IRF2: variants seen among roughly 807,000 people sequenced by gnomAD.
The protein encoded by IRF2 is interferon regulatory factor 2.
Under a neutral mutation model 40.6 loss-of-function variants are expected in IRF2, and 15 were observed. That is an observed-to-expected ratio of 0.37 (90% CI 0.25 to 0.57). IRF2 has a LOEUF of 0.57. Among genes scored for constraint, IRF2 ranks in the 20% least tolerant of loss-of-function variants. The probability of loss-of-function intolerance (pLI) is 0.77; values close to 1 mark genes in which losing one functional copy is unlikely to be tolerated. For synonymous variants in IRF2, 151 were observed against 165.5 expected (o/e 0.91, Z 0.67); for missense variants, 317 against 455.7 (o/e 0.70, Z 2.77).
intron 1 of IRF2, among the ~76,000 whole-genome samples, chr4:184,470,562 A>G (rs1739476910): frequency 6.6e-6 from 1 of 152,178 alleles, no homozygotes; most frequent in East Asian, 1.9e-4. Context: ...ACGCCTGCGC[A>G]CACCTGTAGT....
At chr4:184,393,433 A>C (rs1171816332) in intron 7 of IRF2, among the ~76,000 whole-genome samples, 1 of 152,168 alleles carries the variant, frequency 6.6e-6, no homozygotes, top group Non-Finnish European at 1.5e-5. Context: ...AATACAAACA[A>C]AGATACGCAA....
intron 1 of IRF2, among the ~76,000 whole-genome samples, chr4:184,463,939 T>C (rs1291535143): frequency 6.6e-6 from 1 of 152,166 alleles, no homozygotes; most frequent in African/African-American, 2.4e-5. Context: ...CAGACTCCTA[T>C]AAAATGCCTT....
chr4:184,393,487 G>A (rs568795298), intron 7 of IRF2, among the ~76,000 whole-genome samples: 12 of 152,152 alleles, frequency 7.9e-5, no homozygotes, highest in Admixed American at 1.3e-4. Flanking sequence ...AGCCCCAGTC[G>A]CAGGTGCAGG....
At chr4:184,390,599 T>C (rs1736223077) in intron 8 of IRF2, 104 bp downstream of exon 8, 1 of 1,056,168 alleles carries the variant, frequency 9.5e-7, no homozygotes, top group Non-Finnish European at 1.5e-6. Flanking sequence ...AAAGTGAAGC[T>C]TGTGATCTAA....
intron 5 of IRF2, among the ~76,000 whole-genome samples, chr4:184,409,535 G>A (rs778863635): frequency 3.9e-5 from 6 of 152,112 alleles, no homozygotes; most frequent in East Asian, 1.9e-4. Context: ...TACCAGGCAC[G>A]ATTTTTACTC....
In IRF2 at chr4:184,448,892, T is replaced by C. The variant is rs951133809; in HGVS notation, c.-6-19822A>G. 1 of 152,212 alleles carries C rather than the reference T, an allele frequency of 6.6e-6. No individual in the cohort carries two copies. Among genetic ancestry groups the C allele is most frequent in the Non-Finnish European group, 1.5e-5 (1 of 68,034 alleles). 9.4% of individuals were successfully genotyped at this position (152,212 alleles called of 1,614,324 possible). On this transcript the variant is annotated intron_variant, in intron 1 of 8. Transcript: ENST00000393593. This position sits in a 1 kb window ranked among gnomAD's most constrained non-coding sequence, Gnocchi z 4.3. Reference sequence around the variant, plus strand: ...ACCCACTAGGAGTAAGGGCTTTGCTTTTTGTTTCTTGTTTACAACGTTTCC... The same window carrying C: ...ACCCACTAGGAGTAAGGGCTTTGCTCTTTGTTTCTTGTTTACAACGTTTCC...
At chr4:184,450,601 G>A (rs548502728) in intron 1 of IRF2, among the ~76,000 whole-genome samples, 37 of 151,994 alleles carry the variant, frequency 2.4e-4, no homozygotes, top group African/African-American at 7.7e-4. Flanking sequence ...CCTTTAAGTC[G>A]AGTTTACCTA....
In IRF2 at chr4:184,408,214, T is replaced by C. The variant is rs1198649913; in HGVS notation, c.473A>G (p.Tyr158Cys). The C allele has an allele frequency of 3.7e-6, 6 of 1,613,462 alleles. No individual in the cohort carries two copies. Among genetic ancestry groups the C allele is most frequent in the African/African-American group, 1.3e-5 (1 of 75,046 alleles). Residue 158 changes from tyrosine (Y) to cysteine (C), a missense_variant, in exon 6 of 9, where the codon TAT becomes TGT. Physicochemically the swap from Tyr to Cys is radical, Grantham distance 194. Transcript: ENST00000393593. The surrounding 1 kb of genome is among the most constrained non-coding windows in gnomAD (Gnocchi z 4.9). Reference protein sequence around the residue: ...SNGVSDLSPEYAVLTSTIKNE... With the variant: ...SNGVSDLSPECAVLTSTIKNE... ...TTTTATAGTTGAAGTCAGGACCGCA[T>C]ACTCAGGAGAAAGATCACTTACTCC...
At chr4:184,412,823 C>T (rs969577851) in intron 5 of IRF2, among the ~76,000 whole-genome samples, 12 of 152,180 alleles carry the variant, frequency 7.9e-5, no homozygotes, top group Admixed American at 4.6e-4. Flanking sequence ...ATCTTCTCTG[C>T]GGGCCTTTGT....
At chr4:184,410,064 C>T (rs1737017493) in intron 5 of IRF2, among the ~76,000 whole-genome samples, 1 of 152,136 alleles carries the variant, frequency 6.6e-6, no homozygotes, top group Non-Finnish European at 1.5e-5. Context: ...CACCTGGGCC[C>T]CCATTAGTTC....
intron 7 of IRF2, among the ~76,000 whole-genome samples, chr4:184,397,643 G>C (rs1016067021): frequency 2.6e-5 from 4 of 152,180 alleles, no homozygotes; most frequent in African/African-American, 9.7e-5. Context: ...GTCGGAGCCA[G>C]TGTTGGGGGT....
At chr4:184,409,524 C>A (rs1736994614) in intron 5 of IRF2, among the ~76,000 whole-genome samples, 1 of 152,186 alleles carries the variant, frequency 6.6e-6, no homozygotes, top group Non-Finnish European at 1.5e-5. Context: ...ATATCCATCC[C>A]TACCAGGCAC....
At chr4:184,455,684 C>T (rs1235596955) in intron 1 of IRF2, among the ~76,000 whole-genome samples, 2 of 152,014 alleles carry the variant, frequency 1.3e-5, no homozygotes, top group Admixed American at 6.6e-5. Context: ...ATTAACTATA[C>T]GTTGTGATGG....
intron 1 of IRF2, among the ~76,000 whole-genome samples, chr4:184,430,818 C>A (rs1216806720): frequency 6.6e-6 from 1 of 152,132 alleles, no homozygotes; most frequent in Non-Finnish European, 1.5e-5. Flanking sequence ...ACCTCAGCCT[C>A]CCAGTAGCTG....
At chr4:184,398,837 T>A (rs922216482) in intron 7 of IRF2, 78 bp downstream of exon 7, 7 of 1,307,102 alleles carry the variant, frequency 5.4e-6, no homozygotes, top group Non-Finnish European at 7.3e-6. Flanking sequence ...CTCCGTGGGG[T>A]GGTGAGATGG....
At chr4:184,406,518 G>A (rs577545346) in intron 6 of IRF2, among the ~76,000 whole-genome samples, 17 of 152,170 alleles carry the variant, frequency 1.1e-4, no homozygotes, top group South Asian at 1.0e-3. Flanking sequence ...ATGAGCCACC[G>A]CGCCCAGCCT....
rs1288677034 is a variant in IRF2 at position 184,408,411 on chromosome 4, G to A, written c.412-136C>T. On this transcript the variant is annotated intron_variant, in intron 5 of 8. Transcript: ENST00000393593. The surrounding 1 kb of genome is among the most constrained non-coding windows in gnomAD (Gnocchi z 4.9). Reference sequence around the variant, plus strand: ...CAGCTGCCGAATACATTCATCCCCTGCTTCTTTAAACTGGCCTGTTTTAAA... The same window carrying A: ...CAGCTGCCGAATACATTCATCCCCTACTTCTTTAAACTGGCCTGTTTTAAA... The A allele has an allele frequency of 5.9e-6, 4 of 675,158 alleles. No individual in the cohort carries two copies. Among genetic ancestry groups the A allele is most frequent in the Non-Finnish European group, 1.1e-5 (4 of 378,946 alleles). The allele number at this position is 675,158 out of a possible 1,614,324, so 41.8% of individuals were successfully genotyped here.
chr4:184,428,590 G>T (rs942839546), intron 2 of IRF2: 25 of 399,254 alleles, frequency 6.3e-5, no homozygotes, highest in Non-Finnish European at 5.0e-5. Context: ...TTCAGCCCAG[G>T]AGTTCAAGAC....
chr4:184,427,674 G>A (rs1737720066), intron 2 of IRF2, among the ~76,000 whole-genome samples: 1 of 151,800 alleles, frequency 6.6e-6, no homozygotes, highest in African/African-American at 2.4e-5. Context: ...CAAAATAAGT[G>A]GATAAAAGGA....
Sources: allele counts gnomAD v4.1 joint callset (sites outside exome capture counted in the v4.1 genomes callset), GRCh38; gene constraint gnomAD v4.1.1; non-coding constraint Gnocchi (gnomAD v3.1); transcripts MANE v1.5; gene names NCBI Gene and HGNC (gene_info 2026-07-23, HGNC 2026-07-21).